The following BICRA variants were observed in gnomAD, a reference collection of about 807,000 sequenced individuals.
BICRA encodes the protein BRD4 interacting chromatin remodeling complex associated protein.
BICRA carries 31 observed loss-of-function variants against 96.9 expected under a neutral mutation model. The observed-to-expected ratio is 0.32, with a 90% CI of 0.24 to 0.43. The LOEUF (loss-of-function observed/expected upper bound fraction) is 0.43. BICRA is among the 20% of genes least tolerant of loss of function. The pLI, the probability that BICRA is intolerant of heterozygous loss-of-function variation, is 1.00. For missense variants in BICRA, 2,283 were observed against 2,190.3 expected, an observed-to-expected ratio of 1.04 and a Z score of -0.84; for synonymous variants, 1,350 against 1,071.8, an observed-to-expected ratio of 1.26 and a Z score of -5.07.
In BICRA at chr19:47,702,354, C is replaced by T. The variant is rs1973476612; in HGVS notation, c.4622C>T (p.Pro1541Leu). The part of the protein sequence containing the change: ...TPASPPPLHR[P>L]EAYPPSSHNG... ...GCATCCCCGCCGCCCCTGCACAGGC[C>T]CGAGGCCTACCCACCCTCCAGTCAC... is the stretch of plus-strand genomic sequence containing the variant. Residue 1541 changes from proline (P) to leucine (L), a missense_variant, in exon 15 of 15, where the codon CCC becomes CTC. Transcript: ENST00000594866. The T allele has an allele frequency of 6.5e-7, 1 of 1,534,348 alleles. No homozygotes were observed. The highest frequency in any genetic ancestry group is 8.7e-7 in the Non-Finnish European group (1 of 1,151,654).
intron 1 of BICRA, among the ~76,000 whole-genome samples, chr19:47,654,817 AC>A (rs1972590563): frequency 1.3e-5 from 2 of 151,774 alleles, no homozygotes; most frequent in South Asian, 4.2e-4. Context: ...TCACAAAACA[AC>A]ACACCTGTAA....
intron 7 of BICRA, among the ~76,000 whole-genome samples, chr19:47,688,617 C>T (rs1203984461): frequency 2.0e-5 from 3 of 151,670 alleles, no homozygotes; most frequent in Admixed American, 6.6e-5. Flanking sequence ...GGTGAAACCC[C>T]GTCTCTACTA....
At chr19:47,630,936 A>G (rs929371271) in intron 1 of BICRA, among the ~76,000 whole-genome samples, 7 of 152,062 alleles carry the variant, frequency 4.6e-5, no homozygotes, top group African/African-American at 1.4e-4. Context: ...CCCCACACGA[A>G]GTTTTCAAAA....
chr19:47,639,629 A>ATTTTT (rs55946534), intron 1 of BICRA, among the ~76,000 whole-genome samples: 4 of 105,836 alleles, frequency 3.8e-5, no homozygotes, highest in African/African-American at 1.6e-4. Context: ...CGGCCAGCCA[A>ATTTTT]TTTTTTTTTT....
chr19:47,692,755 G>A (rs1365403448), intron 7 of BICRA, among the ~76,000 whole-genome samples: 1 of 152,202 alleles, frequency 6.6e-6, no homozygotes, highest in African/African-American at 2.4e-5. Context: ...TCAGGGCCCA[G>A]CTTGGAAGGG....
intron 10 of BICRA, 94 bp from the exon 11 acceptor site, chr19:47,696,357 C>T (rs926648775): frequency 1.7e-6 from 2 of 1,181,792 alleles, no homozygotes; most frequent in Non-Finnish European, 2.4e-6. Flanking sequence ...CACTGGTCCC[C>T]TGTCCCGTCT....
At chr19:47,615,248 C>G (rs1247310971) in intron 1 of BICRA, among the ~76,000 whole-genome samples, 1 of 152,236 alleles carries the variant, frequency 6.6e-6, no homozygotes, top group African/African-American at 2.4e-5. Flanking sequence ...TCCCAATGTG[C>G]TGGGATTACA....
Position 47,698,744 on chromosome 19 carries a change from A to G in BICRA, c.3359A>G (p.Tyr1120Cys), listed in dbSNP as rs753745042. 1 of 1,609,790 alleles carries G rather than the reference A, an allele frequency of 6.2e-7. No individual in the cohort carries two copies. Among genetic ancestry groups the G allele is most frequent in the South Asian group, 1.1e-5 (1 of 90,824 alleles). Residue 1120 changes from tyrosine to cysteine, a missense_variant, in exon 12 of 15, where the codon TAC (tyrosine) becomes TGC (cysteine). Tyr to Cys is a radical substitution (Grantham distance 194). Coordinates refer to ENST00000594866, the MANE Select transcript of BICRA (RefSeq NM_001394372.1). The surrounding 1 kb of genome is among the most constrained non-coding windows in gnomAD (Gnocchi z 4.8). ...ALHRLLPYHV[Y>C]QGALPSPSDY... is the part of the protein sequence containing the mutation. ...CATCGCCTCCTGCCCTACCATGTCTACCAGGGCGCCCTCCCCTCCCCCAGT... is the reference window on the plus strand; with the variant it reads ...CATCGCCTCCTGCCCTACCATGTCTGCCAGGGCGCCCTCCCCTCCCCCAGT...
intron 7 of BICRA, among the ~76,000 whole-genome samples, chr19:47,685,013 C>A (rs1480963361): frequency 6.6e-6 from 1 of 152,114 alleles, no homozygotes; most frequent in East Asian, 1.9e-4. Flanking sequence ...TTCTGTCACC[C>A]AGGCTGGAGT....
intron 1 of BICRA, among the ~76,000 whole-genome samples, chr19:47,616,969 C>T (rs1254391898): frequency 1.3e-5 from 2 of 151,990 alleles, no homozygotes; most frequent in Admixed American, 1.3e-4. Context: ...GCTATGGCTA[C>T]AGATGTGGGC....
intron 1 of BICRA, among the ~76,000 whole-genome samples, chr19:47,637,387 G>C (rs1275614272): frequency 2.0e-5 from 3 of 151,616 alleles, no homozygotes; most frequent in Admixed American, 2.0e-4. Flanking sequence ...CCAAAGTGCT[G>C]GGAATACAGG....
intron 1 of BICRA, among the ~76,000 whole-genome samples, chr19:47,651,923 C>T (rs535114745): frequency 1.3e-4 from 20 of 152,322 alleles, no homozygotes; most frequent in African/African-American, 3.6e-4. Context: ...TGCAAACCCA[C>T]GGCTTGCCCG....
intron 1 of BICRA, among the ~76,000 whole-genome samples, chr19:47,665,501 G>A (rs557485520): frequency 3.9e-5 from 6 of 152,160 alleles, no homozygotes; most frequent in Non-Finnish European, 7.3e-5. Context: ...ATGGGGTCTC[G>A]CTGTCTTGCC....
At chr19:47,642,553 T>G (rs1010064099) in intron 1 of BICRA, among the ~76,000 whole-genome samples, 7 of 151,722 alleles carry the variant, frequency 4.6e-5, no homozygotes, top group African/African-American at 1.7e-4. Context: ...TACAAAAAAA[T>G]TAGCCAAGCA....
Position 47,699,411 on chromosome 19 carries a change from A to AGG in BICRA, c.3595+11_3595+12dup. 7.3e-7 allele frequency: 1 copy of AGG among 1,371,884 alleles called. No individual in the cohort carries two copies. Among genetic ancestry groups the AGG allele is most frequent in the Admixed American group, 2.0e-5 (1 of 50,966 alleles). The allele number at this position is 1,371,884 out of a possible 1,614,324, so 85.0% of individuals were successfully genotyped here. On this transcript the variant is annotated splice_region_variant and intron_variant, in intron 14 of 14. Coordinates refer to ENST00000594866, the MANE Select transcript of BICRA (RefSeq NM_001394372.1). This position sits in a 1 kb window ranked among gnomAD's most constrained non-coding sequence, Gnocchi z 5.0. ...GCTGGCCAAGGAGAAGCCGGGTGAGAGGGGGGAGTGAGAGGGGAGGGGAGG... is the reference window on the plus strand; with the variant it reads ...GCTGGCCAAGGAGAAGCCGGGTGAGAGGGGGGGGAGTGAGAGGGGAGGGGAGG...
chr19:47,680,584 T>A lies in BICRA; in HGVS notation c.1414T>A (p.Phe472Ile), dbSNP rs773752971. 6.2e-7 allele frequency: 1 copy of A among 1,607,218 alleles called. No individual in the cohort carries two copies. The highest frequency in any genetic ancestry group is 1.1e-5 in the South Asian group (1 of 90,630). Reference protein sequence around the residue: ...AQHMLPGQNQFLLPGAPAVQL... With the variant: ...AQHMLPGQNQILLPGAPAVQL... ...GCACATGCTGCCGGGCCAGAACCAG[T>A]TCCTACTGCCTGGCGCCCCGGCGGT... The change falls in exon 6 of 15, where the codon TTC becomes ATC. Residue 472 changes from phenylalanine to isoleucine, a missense_variant. Coordinates refer to ENST00000594866, the MANE Select transcript of BICRA (RefSeq NM_001394372.1).
chr19:47,702,901 G>T lies in BICRA; in HGVS notation c.*486G>T, dbSNP rs1973492903. On this transcript the variant is annotated 3_prime_UTR_variant, in exon 15 of 15. Coordinates refer to ENST00000594866, the MANE Select transcript of BICRA (RefSeq NM_001394372.1). ...TGTCAAACAAAACCGGAGAGGGGGT[G>T]GGGGAGCCAGCCTCCCAGCGTGCTG... 1 of 183,182 alleles carries T rather than the reference G, an allele frequency of 5.5e-6. No homozygotes were observed. The highest frequency in any genetic ancestry group is 1.1e-5 in the Non-Finnish European group (1 of 89,490). 11.3% of individuals were successfully genotyped at this position (183,182 alleles called of 1,614,324 possible). A position where few individuals can be genotyped will look rare whatever the true frequency, so the allele number is the denominator to read the frequency against.
At chr19:47,644,664 A>G (rs1972433742) in intron 1 of BICRA, among the ~76,000 whole-genome samples, 1 of 151,826 alleles carries the variant, frequency 6.6e-6, no homozygotes, top group South Asian at 2.1e-4. Flanking sequence ...CTATGCCCAG[A>G]TAAGTTTTGT....
At chr19:47,682,182 A>T in intron 7 of BICRA, 30 bp downstream of exon 7, 1 of 1,094,568 alleles carries the variant, frequency 9.1e-7, no homozygotes, top group Non-Finnish European at 1.3e-6. Flanking sequence ...CTGTGTCCGC[A>T]GCACAGACCC....
Sources: gnomAD v4.1 joint callset for allele counts (sites outside exome capture counted in the v4.1 genomes callset) on GRCh38, gnomAD v4.1.1 for gene constraint, Gnocchi (gnomAD v3.1) non-coding constraint, MANE v1.5 for transcripts, NCBI Gene and HGNC (gene_info 2026-07-23, HGNC 2026-07-21) for gene names.